The following FHIT variants were observed in gnomAD, a reference collection of about 807,000 sequenced individuals.
FHIT encodes the protein bis(5'-adenosyl)-triphosphatase.
In FHIT, 19 loss-of-function variants were observed where a neutral mutation model predicts 17.9. The observed-to-expected ratio is 1.06, with a 90% CI of 0.74 to 1.56. The LOEUF (loss-of-function observed/expected upper bound fraction) is 1.56, where lower values mean the gene tolerates loss of function less well. Among genes scored for constraint, FHIT ranks in the 40% most tolerant of loss-of-function variants. The pLI, the probability that FHIT is intolerant of heterozygous loss-of-function variation, is 0.00. For synonymous variants in FHIT, 81 were observed against 69.7 expected (o/e 1.16, Z -0.81); for missense variants, 248 against 189.2 (o/e 1.31, Z -1.82).
chr3:60,948,045 C>T (rs1378810466), intron 3 of FHIT, among the ~76,000 whole-genome samples: 1 of 152,136 alleles, frequency 6.6e-6, no homozygotes, highest in Non-Finnish European at 1.5e-5. Context: ...TAGGGTTACT[C>T]AGCACAACAC....
At chr3:61,236,830 G>A (rs563341931) in intron 1 of FHIT, among the ~76,000 whole-genome samples, 1 of 152,284 alleles carries the variant, frequency 6.6e-6, no homozygotes, top group South Asian at 2.1e-4. Context: ...TGGGACTGCT[G>A]CATATGCTTC....
intron 5 of FHIT, among the ~76,000 whole-genome samples, chr3:60,321,516 C>A (rs1709432250): frequency 6.6e-6 from 1 of 152,128 alleles, no homozygotes; most frequent in African/African-American, 2.4e-5. Flanking sequence ...AAAAGGTTAT[C>A]TTCACTTAAG....
intron 4 of FHIT, among the ~76,000 whole-genome samples, chr3:60,723,599 C>T (rs2041855998): frequency 6.6e-6 from 1 of 152,164 alleles, no homozygotes; most frequent in Admixed American, 6.5e-5. Flanking sequence ...CTAAGAGCAT[C>T]CTGTGTGACT....
At chr3:61,091,495 A>T (rs531351327) in intron 2 of FHIT, among the ~76,000 whole-genome samples, 11 of 152,294 alleles carry the variant, frequency 7.2e-5, no homozygotes, top group African/African-American at 2.4e-4. Context: ...ACTCGTCCTC[A>T]TCATCACCAC....
At chr3:61,242,526 T>C (rs2040397173) in intron 1 of FHIT, among the ~76,000 whole-genome samples, 1 of 152,186 alleles carries the variant, frequency 6.6e-6, no homozygotes, top group Non-Finnish European at 1.5e-5. Flanking sequence ...TGTCCTTTTG[T>C]AACCACCCAA....
At chr3:60,153,904 G>C (rs572565209) in intron 5 of FHIT, among the ~76,000 whole-genome samples, 1 of 152,278 alleles carries the variant, frequency 6.6e-6, no homozygotes, top group South Asian at 2.1e-4. Flanking sequence ...TGAAGAACAA[G>C]ATAGACACTG....
At chr3:60,296,192 T>C (rs1256645769) in intron 5 of FHIT, among the ~76,000 whole-genome samples, 1 of 151,852 alleles carries the variant, frequency 6.6e-6, no homozygotes, top group Non-Finnish European at 1.5e-5. Flanking sequence ...TTATCAGCAG[T>C]GTGAAATGGA....
At chr3:60,206,331 C>A (rs1040880841) in intron 5 of FHIT, among the ~76,000 whole-genome samples, 1 of 151,958 alleles carries the variant, frequency 6.6e-6, no homozygotes, top group Non-Finnish European at 1.5e-5. Flanking sequence ...GTCCAACACA[C>A]CCTATGTAAG....
intron 3 of FHIT, among the ~76,000 whole-genome samples, chr3:60,828,747 G>T (rs1239735342): frequency 6.6e-6 from 1 of 152,006 alleles, no homozygotes; most frequent in Non-Finnish European, 1.5e-5. Context: ...GCATGGTGGC[G>T]GGTGCCTGTA....
chr3:60,913,694 A>G (rs562589868), intron 3 of FHIT, among the ~76,000 whole-genome samples: 2 of 152,290 alleles, frequency 1.3e-5, no homozygotes, highest in East Asian at 1.9e-4. Flanking sequence ...TCTGCTCCAT[A>G]TGGTGTTGAC....
At chr3:60,730,960 CAAAAA>C (rs56078734) in intron 4 of FHIT, among the ~76,000 whole-genome samples, 12,281 of 135,706 alleles carry the variant, frequency 0.09, 1,040 homozygotes, top group African/African-American at 0.23. Context: ...AATAAAAATA[CAAAAA>C]AAAAAAAAAA....
At chr3:60,460,707 T>C (rs566703433) in intron 5 of FHIT, among the ~76,000 whole-genome samples, 1 of 152,292 alleles carries the variant, frequency 6.6e-6, no homozygotes, top group African/African-American at 2.4e-5. Context: ...TGATTTACAA[T>C]CCTCAAAGCA....
chr3:59,959,617 G>A (rs750393534), intron 7 of FHIT, among the ~76,000 whole-genome samples: 1 of 152,168 alleles, frequency 6.6e-6, no homozygotes, highest in Non-Finnish European at 1.5e-5. Flanking sequence ...CTCAGTCACT[G>A]TGTCAACAGA....
intron 3 of FHIT, among the ~76,000 whole-genome samples, chr3:60,927,039 C>G (rs1461221050): frequency 6.6e-6 from 1 of 152,212 alleles, no homozygotes; most frequent in Non-Finnish European, 1.5e-5. Context: ...TTTCCACGGT[C>G]TCCCTCTGTT....
chr3:61,221,498 C>A (rs987757172), intron 1 of FHIT, among the ~76,000 whole-genome samples: 9 of 152,252 alleles, frequency 5.9e-5, no homozygotes, highest in East Asian at 1.9e-4. Flanking sequence ...CCTCAGATAG[C>A]CTTAGACTTA....
chr3:60,288,692 C>T (rs1250500050), intron 5 of FHIT, among the ~76,000 whole-genome samples: 4 of 151,068 alleles, frequency 2.6e-5, no homozygotes, highest in East Asian at 1.9e-4. Context: ...AAAAATCATA[C>T]TTTTAAAAAA....
chr3:60,796,983 T>C (rs1171863935), intron 4 of FHIT, among the ~76,000 whole-genome samples: 5 of 152,238 alleles, frequency 3.3e-5, no homozygotes, highest in African/African-American at 4.8e-5. Context: ...TCATAACTTA[T>C]AAAGGCCATG....
chr3:60,246,327 G>A (rs1379171474), intron 5 of FHIT, among the ~76,000 whole-genome samples: 1 of 152,086 alleles, frequency 6.6e-6, no homozygotes, highest in African/African-American at 2.4e-5. Flanking sequence ...TTTATTTCCA[G>A]GAGGGGAAAA....
intron 5 of FHIT, among the ~76,000 whole-genome samples, chr3:60,334,583 C>G (rs776741245): frequency 6.6e-6 from 1 of 152,140 alleles, no homozygotes; most frequent in East Asian, 1.9e-4. Context: ...GTCAGGAGCT[C>G]GAGACCAGCA....
Sources: gnomAD v4.1 joint callset for allele counts (sites outside exome capture counted in the v4.1 genomes callset) on GRCh38, gnomAD v4.1.1 for gene constraint, MANE v1.5 for transcripts, NCBI Gene and HGNC (gene_info 2026-07-23, HGNC 2026-07-21) for gene names.